Variants in P3H2 observed in about 807,000 individuals in gnomAD.
P3H2 encodes the protein leprecan-like 1.
P3H2 carries 80 observed loss-of-function variants against 87.0 expected under a neutral mutation model. The observed-to-expected ratio is 0.92, with a 90% CI of 0.77 to 1.11. P3H2 has a LOEUF of 1.11. Ranked by LOEUF, P3H2 falls within the 50% of genes least tolerant of loss-of-function variation. The pLI is 0.00. For missense variants in P3H2, 1,001 were observed against 923.9 expected (o/e 1.08, Z -1.08); for synonymous variants, 367 against 359.3 (o/e 1.02, Z -0.24).
chr3:189,995,792 G>A (rs1724036792), intron 1 of P3H2, among the ~76,000 whole-genome samples: 1 of 151,862 alleles, frequency 6.6e-6, no homozygotes, highest in African/African-American at 2.4e-5. Context: ...TAAAAAATGG[G>A]CAAAAGATCT....
chr3:190,103,938 C>T (rs1028468170), intron 1 of P3H2, among the ~76,000 whole-genome samples: 11 of 151,926 alleles, frequency 7.2e-5, no homozygotes, highest in African/African-American at 1.5e-4. Context: ...ATTACAGGTG[C>T]CCGCCACCAC....
At position 189,964,067 on chromosome 3, in the gene P3H2, A is replaced by G. The variant is rs757821033; in HGVS notation, c.1925T>C (p.Ile642Thr). ...GTTCTCTCCTCCAGATGAGAAGCTG[A>G]TCATGCGCCCACATTTTGGTTTTAT... Reference protein sequence around the residue: ...ASIKPKCGRMISFSSGGENPH... With the variant: ...ASIKPKCGRMTSFSSGGENPH... Residue 642 changes from isoleucine to threonine, a missense_variant, in exon 14 of 15, where the codon ATC (isoleucine) becomes ACC (threonine). Physicochemically the swap from Ile to Thr is moderately conservative, Grantham distance 89. Transcript: ENST00000319332. 2 of 1,614,046 alleles carry G rather than the reference A, an allele frequency of 1.2e-6. No individual in the cohort carries two copies. The highest frequency in any genetic ancestry group is 1.7e-6 in the Non-Finnish European group (2 of 1,180,012).
intron 1 of P3H2, among the ~76,000 whole-genome samples, chr3:190,078,590 A>G (rs1237179708): frequency 6.6e-6 from 1 of 152,186 alleles, no homozygotes; most frequent in Non-Finnish European, 1.5e-5. Context: ...AACGAGCTAT[A>G]ATAGCCCCAT....
At chr3:189,996,635 A>G (rs1486811955) in intron 1 of P3H2, among the ~76,000 whole-genome samples, 1 of 152,226 alleles carries the variant, frequency 6.6e-6, no homozygotes, top group Non-Finnish European at 1.5e-5. Context: ...AACATAAATG[A>G]TAAGTGTTTT....
intron 13 of P3H2, among the ~76,000 whole-genome samples, chr3:189,964,756 C>T (rs1722925580): frequency 2.6e-5 from 4 of 152,240 alleles, no homozygotes; most frequent in Middle Eastern, 3.2e-3. Flanking sequence ...TATTCGCCAT[C>T]ACCCTTAAGT....
chr3:189,974,431 G>A, intron 9 of P3H2, 127 bp downstream of exon 9: 2 of 1,261,758 alleles, frequency 1.6e-6, no homozygotes, highest in Admixed American at 2.0e-5. Flanking sequence ...AATAATTTAT[G>A]TCTTTCTCCT....
intron 14 of P3H2, among the ~76,000 whole-genome samples, chr3:189,961,057 C>T (rs903625378): frequency 6.6e-6 from 1 of 152,046 alleles, no homozygotes; most frequent in African/African-American, 2.4e-5. Context: ...TCTCCTGCCT[C>T]AGCCTCCCCA....
At chr3:190,041,707 G>A (rs1350028430) in intron 1 of P3H2, among the ~76,000 whole-genome samples, 2 of 152,034 alleles carry the variant, frequency 1.3e-5, no homozygotes, top group African/African-American at 2.4e-5. Context: ...CTTTTATATG[G>A]TTTTTTATGT....
chr3:190,011,438 A>G (rs1414572385), intron 1 of P3H2, among the ~76,000 whole-genome samples: 1 of 152,182 alleles, frequency 6.6e-6, no homozygotes, highest in East Asian at 1.9e-4. Flanking sequence ...ATTTTGGTTT[A>G]TCCTAAAAAA....
Position 189,996,739 on chromosome 3 carries a change from T to C in P3H2, c.481-1297A>G, listed in dbSNP as rs571757674. ...CTGTACCCGTAATTATGTATACTTA[T>C]TATGTGTCAATTAAAAATAAGACAA... On this transcript the variant is annotated intron_variant, in intron 1 of 14. Transcript: ENST00000319332. Among the ~76,000 whole-genome samples, 406 of 117,654 alleles carry C rather than the reference T, an allele frequency of 3.5e-3. 2 individuals are homozygous for C. Among genetic ancestry groups the C allele is most frequent in the South Asian group, 0.026 (100 of 3,838 alleles). 77.2% of individuals were successfully genotyped at this position (117,654 alleles called of 152,430 possible). A position where few individuals can be genotyped will look rare whatever the true frequency, so the allele number is the denominator to read the frequency against.
chr3:190,108,565 A>G (rs1711941998), intron 1 of P3H2, among the ~76,000 whole-genome samples: 1 of 152,150 alleles, frequency 6.6e-6, no homozygotes, highest in African/African-American at 2.4e-5. Context: ...CACTTTTTTG[A>G]TACAAAACAT....
At chr3:189,984,482 CTATGATAGGTT>C in intron 7 of P3H2, 57 bp downstream of exon 7, 1 of 1,138,842 alleles carries the variant, frequency 8.8e-7, no homozygotes, top group Non-Finnish European at 1.3e-6. Flanking sequence ...CTACATTTCT[CTATGATAGGTT>C]ATGACACTAA....
chr3:189,995,552 C>CT (rs370898423), intron 1 of P3H2, 110 bp from the exon 2 acceptor site: 3 of 831,558 alleles, frequency 3.6e-6, no homozygotes, highest in Non-Finnish European at 3.3e-6. Context: ...AACTAGGAGC[C>CT]TTGGTTTTTT....
intron 1 of P3H2, among the ~76,000 whole-genome samples, chr3:190,052,694 T>C (rs1003043958): frequency 2.6e-5 from 4 of 151,958 alleles, no homozygotes; most frequent in East Asian, 1.9e-4. Context: ...TGTGTGTATA[T>C]ATATATATAT....
intron 1 of P3H2, among the ~76,000 whole-genome samples, chr3:190,024,140 G>C (rs1725014425): frequency 6.6e-6 from 1 of 152,110 alleles, no homozygotes; most frequent in Non-Finnish European, 1.5e-5. Flanking sequence ...ATAAATAATT[G>C]TTCCTGAATT....
At chr3:190,061,961 G>T (rs557543655) in intron 1 of P3H2, among the ~76,000 whole-genome samples, 2 of 152,080 alleles carry the variant, frequency 1.3e-5, no homozygotes, top group Non-Finnish European at 2.9e-5. Flanking sequence ...TATATAAAAT[G>T]CCTGGCATAT....
At chr3:189,989,171 C>A (rs138798832) in intron 3 of P3H2, 133 bp from the exon 4 acceptor site, 2 of 1,097,344 alleles carry the variant, frequency 1.8e-6, no homozygotes, top group African/African-American at 3.1e-5. Context: ...ATCCTCACTT[C>A]CGGACTGCAA....
At chr3:190,019,040 C>T (rs1480862442) in intron 1 of P3H2, among the ~76,000 whole-genome samples, 1 of 152,202 alleles carries the variant, frequency 6.6e-6, no homozygotes, top group Non-Finnish European at 1.5e-5. Flanking sequence ...CTCCAAAACA[C>T]ATATGAATAT....
Position 189,977,113 on chromosome 3 carries a change from G to A in P3H2, c.1325-2428C>T, listed in dbSNP as rs140792611. ...TTCCTTCCTGCAGCAGAGACTTTAC[G>A]ATGGGCTGCAATGATCATTGCCTCC... On this transcript the variant is annotated intron_variant, in intron 8 of 14. Coordinates refer to ENST00000319332, the MANE Select transcript of P3H2 (RefSeq NM_018192.4). Among the ~76,000 whole-genome samples the A allele has an allele frequency of 2.7e-3, 404 of 152,216 alleles. 2 individuals are homozygous for A. Among genetic ancestry groups the A allele is most frequent in the African/African-American group, 9.1e-3 (376 of 41,528 alleles).
Sources: allele counts gnomAD v4.1 joint callset (sites outside exome capture counted in the v4.1 genomes callset), GRCh38; gene constraint gnomAD v4.1.1; transcripts MANE v1.5; gene names NCBI Gene and HGNC (gene_info 2026-07-23, HGNC 2026-07-21).